The following RALB variants were observed in gnomAD, a reference collection of about 807,000 sequenced individuals.
The protein encoded by RALB is ras-related protein Ral-B.
Under a neutral mutation model 21.3 loss-of-function variants are expected in RALB, and 16 were observed. The ratio of observed to expected loss-of-function variants is 0.75; its 90% CI spans 0.51 to 1.14. The LOEUF is 1.14. RALB is among the 50% of genes most tolerant of loss of function. RALB has a pLI of 0.00. For synonymous variants in RALB, 93 were observed against 96.1 expected (o/e 0.97, Z 0.19); for missense variants, 161 against 256.2 (o/e 0.63, Z 2.54).
Position 120,294,525 on chromosome 2 carries a change from C to G in RALB, c.*1265C>G. On this transcript the variant is annotated 3_prime_UTR_variant, in exon 5 of 5. Transcript: ENST00000272519. ...GAGCCCAGTATTCACATTTTTTCCC[C>G]ATTTTTCAGAAGCGACATTTCATAT... 1 of 345,554 alleles carries G rather than the reference C, an allele frequency of 2.9e-6. No homozygotes were observed. The highest frequency in any genetic ancestry group is 4.3e-5 in the East Asian group (1 of 23,164). The allele number at this position is 345,554 out of a possible 1,614,324, so 21.4% of individuals were successfully genotyped here.
Position 120,293,621 on chromosome 2 carries a change from T to G in RALB, c.*361T>G, listed in dbSNP as rs1573363662. The G allele has an allele frequency of 4.9e-5, 8 of 164,072 alleles. No homozygotes were observed. In the South Asian group the frequency reaches 1.5e-3, roughly 30 times the overall value. The allele number at this position is 164,072 out of a possible 1,614,324, so 10.2% of individuals were successfully genotyped here. A position where few individuals can be genotyped will look rare whatever the true frequency, so the allele number is the denominator to read the frequency against. On this transcript the variant is annotated 3_prime_UTR_variant, in exon 5 of 5. Coordinates refer to ENST00000272519, the MANE Select transcript of RALB (RefSeq NM_002881.3). ...GTTTTATAACATTACCATCCTTCGT[T>G]TTGAACTACAGATGTTGTAGTGGGT...
intron 1 of RALB, among the ~76,000 whole-genome samples, chr2:120,242,516 CG>C (rs1187044232): frequency 1.3e-5 from 2 of 152,132 alleles, no homozygotes; most frequent in Non-Finnish European, 2.9e-5. Flanking sequence ...GGGTTGATCA[CG>C]AGGTCAGGAG....
At chr2:120,277,240 T>C (rs568030648) in intron 1 of RALB, among the ~76,000 whole-genome samples, 5 of 152,016 alleles carry the variant, frequency 3.3e-5, no homozygotes, top group Non-Finnish European at 5.9e-5. Context: ...CATATGTGTG[T>C]GTGAGAAAGT....
In RALB at chr2:120,244,645, T is replaced by C. The variant is rs916399647; in HGVS notation, c.19+4520T>C. On this transcript the variant is annotated intron_variant, in intron 1 of 3. Transcript: ENST00000447591. ...CCATCCATCCATCCATCCATCCATT[T>C]ATCTGTCCATCCGTCCATGGACAGA... Among the ~76,000 whole-genome samples the C allele has an allele frequency of 9.5e-4, 144 of 151,434 alleles. 1 individual carries two copies. The highest frequency in any genetic ancestry group is 3.4e-3 in the African/African-American group (138 of 40,780).
Position 120,286,074 on chromosome 2 carries a change from C to G in RALB, c.315C>G (p.Ala105=), listed in dbSNP as rs538298906. Residue 105 remains alanine (A), a synonymous_variant, in exon 3 of 5, where the codon GCC becomes GCG. Transcript: ENST00000272519. Reference sequence around the variant, plus strand: ...AACATGAATCCTTTACAGCAACTGCCGAATTCAGGTATGTCTGAAATGAAA... The same window carrying G: ...AACATGAATCCTTTACAGCAACTGCGGAATTCAGGTATGTCTGAAATGAAA... ...ITEHESFTAT[A]EFREQILRVK... is the part of the protein sequence containing the mutation. 1.2e-6 allele frequency: 2 copies of G among 1,613,688 alleles called. No homozygotes were observed. The highest frequency in any genetic ancestry group is 8.5e-7 in the Non-Finnish European group (1 of 1,179,872).
intron 1 of RALB, among the ~76,000 whole-genome samples, chr2:120,245,735 A>C (rs1385820775): frequency 1.3e-5 from 2 of 151,990 alleles, no homozygotes; most frequent in African/African-American, 2.4e-5. Context: ...CAGGGTGTGG[A>C]GGGGAGGGAG....
intron 1 of RALB, among the ~76,000 whole-genome samples, chr2:120,259,808 C>A (rs1689309862): frequency 6.6e-6 from 1 of 152,248 alleles, no homozygotes; most frequent in African/African-American, 2.4e-5. Context: ...GGGGGTGGCG[C>A]TCGTCGGGGA....
intron 2 of RALB, among the ~76,000 whole-genome samples, chr2:120,282,568 G>T (rs991996457): frequency 2.5e-5 from 3 of 121,450 alleles, no homozygotes; most frequent in Non-Finnish European, 5.0e-5. Context: ...TTGGGGAGGG[G>T]GGCGGGGGTG....
At chr2:120,243,262 G>C (rs1230176771) in intron 1 of RALB, among the ~76,000 whole-genome samples, 1 of 152,248 alleles carries the variant, frequency 6.6e-6, no homozygotes, top group South Asian at 2.1e-4. Context: ...GTGAAAATGC[G>C]TGGACAGATC....
intron 1 of RALB, among the ~76,000 whole-genome samples, chr2:120,267,829 T>C (rs1558950105): frequency 6.6e-6 from 1 of 152,148 alleles, no homozygotes; most frequent in Non-Finnish European, 1.5e-5. Context: ...TCTCGCTGAG[T>C]TTGCCAGGTT....
intron 3 of RALB, among the ~76,000 whole-genome samples, chr2:120,289,242 TTG>T (rs754338345): frequency 0.016 from 1,569 of 95,092 alleles, 25 homozygotes; most frequent in African/African-American, 0.041. Context: ...TTTCTTCTTT[TTG>T]TTTTTTTTTT....
chr2:120,254,805 G>A (rs1432515839), intron 1 of RALB, among the ~76,000 whole-genome samples: 2 of 152,100 alleles, frequency 1.3e-5, no homozygotes, highest in East Asian at 1.9e-4. Context: ...AGCCTCCCGA[G>A]TAGCTTGGTA....
At position 120,277,798 on chromosome 2, in the gene RALB, T is replaced by C. The variant is rs559456302; in HGVS notation, c.-47-820T>C. On this transcript the variant is annotated intron_variant, in intron 1 of 4. Transcript: ENST00000272519. ...GCTAGCATGTGTGAGCCTGTGATAG[T>C]GTGTGAGAGCGTGTGAGAGCAAGTG... Among the ~76,000 whole-genome samples, 16 of 150,760 alleles carry C rather than the reference T, an allele frequency of 1.1e-4. 1 individual carries two copies. In the East Asian group the frequency reaches 2.4e-3, roughly 22 times the overall value.
chr2:120,255,999 T>C (rs1689191371), intron 1 of RALB, among the ~76,000 whole-genome samples: 1 of 152,232 alleles, frequency 6.6e-6, no homozygotes, highest in Non-Finnish European at 1.5e-5. Context: ...AAAGTTTGCC[T>C]ACCTTTTGAA....
upstream of RALB, among the ~76,000 whole-genome samples, chr2:120,252,416 C>T (rs188613688): frequency 4.5e-4 from 69 of 152,314 alleles, 1 homozygote; most frequent in East Asian, 0.011. Flanking sequence ...CGCGCTCCAG[C>T]ACTCTTCGCC....
At chr2:120,268,669 A>G (rs576503957) in intron 1 of RALB, among the ~76,000 whole-genome samples, 338 of 152,328 alleles carry the variant, frequency 2.2e-3, no homozygotes, top group African/African-American at 7.8e-3. Context: ...GCAAGAACCT[A>G]TCCTAAAATA....
At chr2:120,246,326 G>A (rs575584699) in intron 1 of RALB, among the ~76,000 whole-genome samples, 4 of 152,120 alleles carry the variant, frequency 2.6e-5, no homozygotes, top group African/African-American at 9.7e-5. Flanking sequence ...GCATCCACTT[G>A]CCCTTTGAAG....
At chr2:120,261,510 A>T (rs1384456005) in intron 1 of RALB, among the ~76,000 whole-genome samples, 2 of 152,110 alleles carry the variant, frequency 1.3e-5, no homozygotes, top group Non-Finnish European at 2.9e-5. Context: ...GGCACAGGGG[A>T]GAGTCACAGC....
At chr2:120,243,424 G>A (rs1688923988) in intron 1 of RALB, among the ~76,000 whole-genome samples, 1 of 152,236 alleles carries the variant, frequency 6.6e-6, no homozygotes, top group Non-Finnish European at 1.5e-5. Context: ...AAGGGCACAT[G>A]CCACTGGAGC....
Sources: allele counts gnomAD v4.1 joint callset (sites outside exome capture counted in the v4.1 genomes callset), GRCh38; gene constraint gnomAD v4.1.1; transcripts MANE v1.5; gene names NCBI Gene and HGNC (gene_info 2026-07-23, HGNC 2026-07-21).